WWOX: variants seen among roughly 807,000 people sequenced by gnomAD.
WWOX encodes the protein WW domain-containing oxidoreductase.
A neutral mutation model predicts 46.2 loss-of-function variants in WWOX; 69 were observed. The observed-to-expected ratio is 1.49, with a 90% CI of 1.23 to 1.82. The LOEUF (loss-of-function observed/expected upper bound fraction) is 1.82. Among genes scored for constraint, WWOX ranks in the 40% most tolerant of loss-of-function variants. WWOX has a pLI of 0.00. For missense variants in WWOX, 919 were observed against 542.6 expected, an observed-to-expected ratio of 1.69 and a Z score of -6.89; for synonymous variants, 359 against 202.6, an observed-to-expected ratio of 1.77 and a Z score of -6.56.
intron 5 of WWOX, among the ~76,000 whole-genome samples, chr16:78,274,253 C>G (rs1166800001): frequency 1.3e-5 from 2 of 152,146 alleles, no homozygotes; most frequent in East Asian, 1.9e-4. Flanking sequence ...CCTGCTCATC[C>G]TTTGAAACCC....
At chr16:78,825,842 C>G (rs1343213162) in intron 8 of WWOX, 3 of 618,170 alleles carry the variant, frequency 4.9e-6, no homozygotes, top group Non-Finnish European at 8.9e-6. Context: ...GAAGGTCATG[C>G]TGCCCTGGGA....
rs2032288439 is a variant in WWOX at position 78,108,425 on chromosome 16, A to G, written c.110A>G (p.His37Arg). Residue 37 changes from histidine (H) to arginine (R), a missense_variant and splice_region_variant, in exon 2 of 9, where the codon CAC becomes CGC. His to Arg is a conservative substitution (Grantham distance 29, BLOSUM62 0). Coordinates refer to ENST00000566780, the MANE Select transcript of WWOX (RefSeq NM_016373.4). ...TKDGWVYYANHTEEKTQWEHP... is the reference protein window; with the variant it reads ...TKDGWVYYANRTEEKTQWEHP... The stretch of plus-strand genomic sequence containing the variant: ...GTGGATTTTTTGTTTTTTAACAGTC[A>G]CACCGAGGAGAAGACTCAGTGGGAA... The G allele has an allele frequency of 6.2e-7, 1 of 1,613,432 alleles. No individual in the cohort carries two copies. The highest frequency in any genetic ancestry group is 1.1e-5 in the South Asian group (1 of 91,054).
chr16:78,643,129 G>T (rs2046759394), intron 8 of WWOX, among the ~76,000 whole-genome samples: 1 of 152,090 alleles, frequency 6.6e-6, no homozygotes, highest in Admixed American at 6.5e-5. Context: ...AAAGCTCTAT[G>T]CAGCTATCCA....
chr16:78,545,270 A>T (rs990166701), intron 8 of WWOX, among the ~76,000 whole-genome samples: 1 of 152,070 alleles, frequency 6.6e-6, no homozygotes, highest in Non-Finnish European at 1.5e-5. Flanking sequence ...CAACTCAGGG[A>T]TGTTGTATTG....
At chr16:78,863,137 TA>T (rs2151194097) in intron 8 of WWOX, among the ~76,000 whole-genome samples, 1 of 152,064 alleles carries the variant, frequency 6.6e-6, no homozygotes, top group South Asian at 2.1e-4. Flanking sequence ...TTTGTATTTT[TA>T]ATAGAGATGG....
chr16:78,431,212 A>C (rs986691658), intron 7 of WWOX, among the ~76,000 whole-genome samples: 1 of 152,232 alleles, frequency 6.6e-6, no homozygotes, highest in Non-Finnish European at 1.5e-5. Flanking sequence ...TAAAGCATCA[A>C]CTAGTTACGT....
chr16:78,409,910 G>C (rs2082637372), intron 6 of WWOX, among the ~76,000 whole-genome samples: 1 of 152,172 alleles, frequency 6.6e-6, no homozygotes, highest in Admixed American at 6.5e-5. Context: ...TGCTTACCTA[G>C]ATTATCTAGC....
chr16:78,626,543 A>C (rs2046316328), intron 8 of WWOX, among the ~76,000 whole-genome samples: 1 of 152,094 alleles, frequency 6.6e-6, no homozygotes, highest in Non-Finnish European at 1.5e-5. Flanking sequence ...CAAGCATTCC[A>C]CCTTCATCAT....
chr16:78,966,574 A>G (rs1255704601), intron 8 of WWOX, among the ~76,000 whole-genome samples: 6 of 152,060 alleles, frequency 3.9e-5, no homozygotes, highest in African/African-American at 7.2e-5. Context: ...TTTCCTTACT[A>G]TAAGTAAGGC....
chr16:79,051,485 C>G (rs776317613), intron 8 of WWOX, among the ~76,000 whole-genome samples: 6 of 143,676 alleles, frequency 4.2e-5, no homozygotes, highest in Non-Finnish European at 6.0e-5. Flanking sequence ...CTCCAGGCCA[C>G]TAACACTTAT....
chr16:78,311,747 G>A (rs2080248912), intron 5 of WWOX, among the ~76,000 whole-genome samples: 1 of 151,352 alleles, frequency 6.6e-6, no homozygotes, highest in African/African-American at 2.4e-5. Context: ...GAAGAAAAAT[G>A]TTCATTACTT....
chr16:78,380,467 G>C (rs911259553), intron 5 of WWOX, among the ~76,000 whole-genome samples: 1 of 152,126 alleles, frequency 6.6e-6, no homozygotes, highest in Non-Finnish European at 1.5e-5. Flanking sequence ...TTGTTGTTTT[G>C]AGATGGCTTT....
intron 8 of WWOX, among the ~76,000 whole-genome samples, chr16:78,983,892 T>G (rs993420329): frequency 1.4e-5 from 2 of 146,904 alleles, no homozygotes; most frequent in Non-Finnish European, 1.5e-5. Context: ...TTTTTTTTTT[T>G]TGTGAGATGG....
At chr16:78,385,354 A>G (rs2082040553) in intron 5 of WWOX, among the ~76,000 whole-genome samples, 1 of 152,198 alleles carries the variant, frequency 6.6e-6, no homozygotes, top group African/African-American at 2.4e-5. Flanking sequence ...TTACACAAGA[A>G]ACATCTTCTC....
chr16:78,222,961 A>T (rs1341380113), intron 5 of WWOX, among the ~76,000 whole-genome samples: 1 of 152,200 alleles, frequency 6.6e-6, no homozygotes, highest in Non-Finnish European at 1.5e-5. Context: ...CTCAAGGCTC[A>T]GAGGGGAGCC....
chr16:78,584,355 A>G (rs1260680879), intron 8 of WWOX, among the ~76,000 whole-genome samples: 4 of 152,208 alleles, frequency 2.6e-5, no homozygotes, highest in African/African-American at 9.7e-5. Context: ...GAGACCAAGC[A>G]CTTGAATCCA....
At chr16:78,468,151 G>A (rs2084126545) in intron 8 of WWOX, among the ~76,000 whole-genome samples, 1 of 152,016 alleles carries the variant, frequency 6.6e-6, no homozygotes, top group African/African-American at 2.4e-5. Context: ...CTTTACACTG[G>A]ATCTTCACTG....
intron 5 of WWOX, among the ~76,000 whole-genome samples, chr16:78,177,295 A>T (rs1190726934): frequency 6.6e-6 from 1 of 152,250 alleles, no homozygotes; most frequent in Non-Finnish European, 1.5e-5. Flanking sequence ...ATTTTAATTT[A>T]TCCAACATCT....
At chr16:78,316,938 T>G (rs1208584696) in intron 5 of WWOX, among the ~76,000 whole-genome samples, 1 of 152,234 alleles carries the variant, frequency 6.6e-6, no homozygotes, top group Non-Finnish European at 1.5e-5. Flanking sequence ...TCCAACAAAC[T>G]TTTATTGAAC....
Sources: gnomAD v4.1 joint callset for allele counts (sites outside exome capture counted in the v4.1 genomes callset) on GRCh38, gnomAD v4.1.1 for gene constraint, MANE v1.5 for transcripts, NCBI Gene and HGNC (gene_info 2026-07-23, HGNC 2026-07-21) for gene names.